Variants in CDH12 observed in about 807,000 individuals in gnomAD.
CDH12 encodes cadherin-12.
A neutral mutation model predicts 74.1 loss-of-function variants in CDH12; 41 were observed. The ratio of observed to expected loss-of-function variants is 0.55; its 90% CI spans 0.43 to 0.72. The LOEUF (loss-of-function observed/expected upper bound fraction) is 0.72, where lower values mean the gene tolerates loss of function less well. Ranked by LOEUF, CDH12 falls within the 30% of genes least tolerant of loss-of-function variation. The probability of loss-of-function intolerance (pLI) is 0.00; values close to 1 mark genes in which losing one functional copy is unlikely to be tolerated. For synonymous variants in CDH12, 399 were observed against 355.0 expected (o/e 1.12, Z -1.39); for missense variants, 945 against 977.2 (o/e 0.97, Z 0.44).
chr5:21,796,356 T>C (rs563265386), intron 10 of CDH12, among the ~76,000 whole-genome samples: 2 of 143,020 alleles, frequency 1.4e-5, no homozygotes, highest in African/African-American at 2.5e-5. Flanking sequence ...GAATATCTTA[T>C]GTAATTTATT....
At chr5:22,529,160 CAT>C (rs1737442958) in intron 1 of CDH12, among the ~76,000 whole-genome samples, 3 of 123,110 alleles carry the variant, frequency 2.4e-5, no homozygotes, top group South Asian at 2.6e-4. Flanking sequence ...TATATATACA[CAT>C]GTGTATATAT....
At chr5:22,114,263 AC>A (rs1413417393) in intron 4 of CDH12, among the ~76,000 whole-genome samples, 3 of 152,118 alleles carry the variant, frequency 2.0e-5, no homozygotes, top group Non-Finnish European at 2.9e-5. Context: ...TGTGATTGGT[AC>A]TGTGTGCCAT....
At chr5:22,635,195 T>A (rs186606771) in intron 1 of CDH12, among the ~76,000 whole-genome samples, 41 of 152,302 alleles carry the variant, frequency 2.7e-4, no homozygotes, top group African/African-American at 9.4e-4. Context: ...AAGCCCATAC[T>A]TTTATGTTTA....
At chr5:22,383,749 G>T (rs1365258956) in intron 3 of CDH12, among the ~76,000 whole-genome samples, 1 of 151,974 alleles carries the variant, frequency 6.6e-6, no homozygotes. Context: ...AGTTACTTTG[G>T]GGAACTTTTC....
intron 4 of CDH12, among the ~76,000 whole-genome samples, chr5:22,087,015 C>T (rs569568817): frequency 6.6e-6 from 1 of 152,230 alleles, no homozygotes; most frequent in Admixed American, 6.5e-5. Flanking sequence ...CTCACTAGTA[C>T]TTCTTAAAAT....
At chr5:22,068,988 G>A (rs1741751745) in intron 5 of CDH12, among the ~76,000 whole-genome samples, 1 of 152,106 alleles carries the variant, frequency 6.6e-6, no homozygotes, top group Non-Finnish European at 1.5e-5. Flanking sequence ...CCAGCAACCT[G>A]GTGACAGGTT....
At chr5:22,183,267 TA>T (rs1240597162) in intron 4 of CDH12, among the ~76,000 whole-genome samples, 1 of 151,960 alleles carries the variant, frequency 6.6e-6, no homozygotes, top group Non-Finnish European at 1.5e-5. Context: ...AGATGAGGAC[TA>T]AATAAAATAT....
At chr5:22,545,902 A>C in intron 1 of CDH12, among the ~76,000 whole-genome samples, 1 of 152,064 alleles carries the variant, frequency 6.6e-6, no homozygotes, top group East Asian at 1.9e-4. Flanking sequence ...GTTATACAGT[A>C]ATGTCACTTA....
intron 2 of CDH12, among the ~76,000 whole-genome samples, chr5:22,410,764 C>A (rs1192587381): frequency 6.6e-6 from 1 of 151,938 alleles, no homozygotes; most frequent in Non-Finnish European, 1.5e-5. Context: ...GAAGATTATT[C>A]TTTAAAAAAA....
chr5:22,221,188 T>C (rs1385204830), intron 3 of CDH12, among the ~76,000 whole-genome samples: 2 of 151,970 alleles, frequency 1.3e-5, no homozygotes, highest in Non-Finnish European at 2.9e-5. Flanking sequence ...TATTTTATTT[T>C]GTTTAGCTTT....
chr5:22,550,106 ACTCT>A (rs1447894292), intron 1 of CDH12, among the ~76,000 whole-genome samples: 1 of 151,688 alleles, frequency 6.6e-6, no homozygotes, highest in East Asian at 1.9e-4. Flanking sequence ...GAAATCTGTG[ACTCT>A]CTCTCACTTT....
chr5:22,526,012 T>C (rs1737257911), intron 1 of CDH12, among the ~76,000 whole-genome samples: 1 of 152,182 alleles, frequency 6.6e-6, no homozygotes, highest in Non-Finnish European at 1.5e-5. Flanking sequence ...CAGGGAGTTA[T>C]CTCTACTGGT....
chr5:22,569,317 C>A (rs888314494), intron 1 of CDH12, among the ~76,000 whole-genome samples: 3 of 152,080 alleles, frequency 2.0e-5, no homozygotes, highest in African/African-American at 7.2e-5. Context: ...GTGTGGCACC[C>A]CACACCACCA....
chr5:22,299,241 G>A (rs1055112156), intron 3 of CDH12, among the ~76,000 whole-genome samples: 1 of 152,156 alleles, frequency 6.6e-6, no homozygotes, highest in Non-Finnish European at 1.5e-5. Flanking sequence ...GTTGGTAAGG[G>A]AGAGATGGGG....
chr5:22,830,076 C>G (rs1373839946), intron 1 of CDH12, among the ~76,000 whole-genome samples: 1 of 152,130 alleles, frequency 6.6e-6, no homozygotes, highest in Admixed American at 6.6e-5. Flanking sequence ...TCAAAGCCTA[C>G]TTTTGCTATA....
At chr5:21,851,122 T>C (rs1341586342) in intron 7 of CDH12, among the ~76,000 whole-genome samples, 2 of 151,194 alleles carry the variant, frequency 1.3e-5, no homozygotes, top group African/African-American at 4.8e-5. Flanking sequence ...TGTAATGTGT[T>C]CTCAAGTAGA....
intron 6 of CDH12, among the ~76,000 whole-genome samples, chr5:21,894,031 TGAGA>T (rs1413299479): frequency 6.6e-6 from 1 of 151,720 alleles, no homozygotes; most frequent in Non-Finnish European, 1.5e-5. Flanking sequence ...AAGAGATGAG[TGAGA>T]GAAATAGATT....
chr5:22,688,786 G>A (rs960013728), intron 1 of CDH12, among the ~76,000 whole-genome samples: 2 of 152,116 alleles, frequency 1.3e-5, no homozygotes, highest in Admixed American at 6.5e-5. Context: ...AAAGCATCAT[G>A]CTGTATATTA....
chr5:22,439,211 T>G (rs1258800999), intron 2 of CDH12, among the ~76,000 whole-genome samples: 1 of 151,912 alleles, frequency 6.6e-6, no homozygotes. Flanking sequence ...TTAGTAGAGT[T>G]AAAGGCAAGG....
Sources: gnomAD v4.1 joint callset for allele counts (sites outside exome capture counted in the v4.1 genomes callset) on GRCh38, gnomAD v4.1.1 for gene constraint, MANE v1.5 for transcripts, NCBI Gene and HGNC (gene_info 2026-07-23, HGNC 2026-07-21) for gene names.